The following RBBP8 variants were observed in gnomAD, a reference collection of about 807,000 sequenced individuals.
RBBP8 encodes the protein DNA endonuclease RBBP8.
In RBBP8, 88 loss-of-function variants were observed where a neutral mutation model predicts 108.3. The observed-to-expected ratio is 0.81, with a 90% CI of 0.68 to 0.97. The LOEUF is 0.97. Ranked by LOEUF, RBBP8 falls within the 50% of genes least tolerant of loss-of-function variation. The probability of loss-of-function intolerance (pLI) is 0.00; values close to 1 mark genes in which losing one functional copy is unlikely to be tolerated. For synonymous variants in RBBP8, 332 were observed against 348.2 expected (o/e 0.95, Z 0.52); for missense variants, 1,023 against 1,049.0 (o/e 0.98, Z 0.34).
chr18:22,969,791 T>TGG (rs1913932596), intron 5 of RBBP8, among the ~76,000 whole-genome samples: 1 of 152,196 alleles, frequency 6.6e-6, no homozygotes, highest in Non-Finnish European at 1.5e-5. Flanking sequence ...TACTTTGTGT[T>TGG]CTAATGTGTT....
intron 4 of RBBP8, among the ~76,000 whole-genome samples, chr18:22,960,084 G>A (rs111378912): frequency 0.017 from 2,529 of 151,830 alleles, 78 homozygotes; most frequent in African/African-American, 0.057. Context: ...TCGTAGAGAC[G>A]GGGTTTTACC....
intron 9 of RBBP8, among the ~76,000 whole-genome samples, chr18:22,989,539 G>A (rs949639972): frequency 1.3e-5 from 2 of 152,112 alleles, no homozygotes; most frequent in African/African-American, 4.8e-5. Context: ...TCAAAATTTA[G>A]GGGAGTAATT....
chr18:22,979,551 GA>G lies in RBBP8; in HGVS notation c.429-2664del, dbSNP rs1274225464. 3.9e-5 allele frequency among the ~76,000 whole-genome samples: 6 copies of G among 152,196 alleles called. No individual in the cohort carries two copies. The East Asian group carries it at 1.2e-3, about 29-fold the overall frequency. On this transcript the variant is annotated intron_variant, in intron 6 of 18. Transcript: ENST00000327155. ...TTCTCACTATATAAGCTTTTATTTG[GA>G]AATAGTATTGCAAGTTGATACGAGT...
chr18:22,993,050 T>G lies in RBBP8; in HGVS notation c.1223T>G (p.Ile408Arg), dbSNP rs1384555924. 2.5e-6 allele frequency: 4 copies of G among 1,612,426 alleles called. No individual in the cohort carries two copies. The highest frequency in any genetic ancestry group is 1.7e-5 in the Admixed American group (1 of 60,006). Reference sequence around the variant, plus strand: ...CAGTCATCTAATAAACAGATACTTATAAATAAAAATATAAGTGAATCCCTA... The same window carrying G: ...CAGTCATCTAATAAACAGATACTTAGAAATAAAAATATAAGTGAATCCCTA... ...IIQSSNKQIL[I>R]NKNISESLGE... Residue 408 changes from isoleucine (I) to arginine (R), a missense_variant, in exon 11 of 19, where the codon ATA becomes AGA. Ile to Arg is a moderately conservative substitution (Grantham distance 97). Coordinates refer to ENST00000327155, the MANE Select transcript of RBBP8 (RefSeq NM_002894.3).
intron 17 of RBBP8, among the ~76,000 whole-genome samples, 163 bp downstream of exon 17, chr18:23,017,087 G>A (rs1209824760): frequency 6.6e-6 from 1 of 152,152 alleles, no homozygotes; most frequent in Non-Finnish European, 1.5e-5. Context: ...GGGTGCGGTG[G>A]CTCATGCCTC....
At chr18:22,947,809 T>C (rs1207706493) in intron 3 of RBBP8, among the ~76,000 whole-genome samples, 1 of 152,122 alleles carries the variant, frequency 6.6e-6, no homozygotes, top group Non-Finnish European at 1.5e-5. Context: ...AATTAGTAAA[T>C]GCTCTTTATG....
intron 18 of RBBP8, 24 bp downstream of exon 18, chr18:23,022,294 T>A: frequency 6.3e-7 from 1 of 1,587,050 alleles, no homozygotes; most frequent in Non-Finnish European, 8.6e-7. Flanking sequence ...TTGTAACATT[T>A]TATAATTATT....
intron 16 of RBBP8, 30 bp downstream of exon 16, chr18:23,006,462 G>A (rs1485378056): frequency 3.4e-6 from 5 of 1,482,804 alleles, no homozygotes; most frequent in South Asian, 2.3e-5. Flanking sequence ...TACCAGCAAT[G>A]TGACTGGAAG....
chr18:22,978,087 G>A (rs796128580), intron 6 of RBBP8, among the ~76,000 whole-genome samples: 2 of 152,238 alleles, frequency 1.3e-5, no homozygotes, highest in African/African-American at 4.8e-5. Context: ...ATGTTACTTC[G>A]TTAAGTTTAA....
intron 5 of RBBP8, among the ~76,000 whole-genome samples, chr18:22,972,009 T>G (rs1230279636): frequency 1.3e-5 from 2 of 151,974 alleles, no homozygotes; most frequent in African/African-American, 4.8e-5. Flanking sequence ...GAACATACAT[T>G]TAAATCATCA....
At chr18:22,994,500 G>T (rs1023949524) in intron 12 of RBBP8, among the ~76,000 whole-genome samples, 6 of 149,146 alleles carry the variant, frequency 4.0e-5, no homozygotes, top group Non-Finnish European at 7.5e-5. Flanking sequence ...AAATAAGCCA[G>T]GCATGGTGGC....
At chr18:22,934,232 G>A (rs1211492138) in intron 1 of RBBP8, 1 of 152,312 alleles carries the variant, frequency 6.6e-6, no homozygotes, top group Non-Finnish European at 1.5e-5. Context: ...TCATTGCAGA[G>A]AGAGATGCTA....
chr18:23,026,049 C>A lies in RBBP8; in HGVS notation c.2597-94C>A, dbSNP rs934712805. 29 of 982,906 alleles carry A rather than the reference C, an allele frequency of 3.0e-5. No individual in the cohort carries two copies. The African/African-American group carries it at 4.4e-4, about 15-fold the overall frequency. The allele number at this position is 982,906 out of a possible 1,614,324, so 60.9% of individuals were successfully genotyped here. A position where few individuals can be genotyped will look rare whatever the true frequency, so the allele number is the denominator to read the frequency against. ...TAATCAGAAGAATCATGTAAACTTACAAAGCATCAAATAAGAGAAATGTTT... is the reference window on the plus strand; with the variant it reads ...TAATCAGAAGAATCATGTAAACTTAAAAAGCATCAAATAAGAGAAATGTTT... On this transcript the variant is annotated intron_variant, in intron 18 of 18. Transcript: ENST00000327155.
Position 22,993,439 on chromosome 18 carries a change from G to T in RBBP8, c.1612G>T (p.Ala538Ser). Residue 538 changes from alanine to serine, a missense_variant, in exon 11 of 19, where the codon GCC (alanine) becomes TCC (serine). Physicochemically the swap from Ala to Ser is moderately conservative, Grantham distance 99. Transcript: ENST00000327155. ...IPKGFSSSRK[A>S]SDGNCTLPKD... ...AAAGGGCTTTTCCTCAAGCCGTAAG[G>T]CCTCAGATGGCAACTGCACGTTGCC... 1.9e-6 allele frequency: 3 copies of T among 1,614,232 alleles called. No homozygotes were observed. Among genetic ancestry groups the T allele is most frequent in the Non-Finnish European group, 2.5e-6 (3 of 1,180,036 alleles).
intron 16 of RBBP8, among the ~76,000 whole-genome samples, chr18:23,013,359 T>G (rs1022132740): frequency 1.3e-5 from 2 of 152,046 alleles, no homozygotes; most frequent in African/African-American, 4.8e-5. Flanking sequence ...GGGTCAAAGG[T>G]GTCTTTTTGC....
upstream of RBBP8, among the ~76,000 whole-genome samples, chr18:22,928,815 GC>G (rs1376179500): frequency 6.6e-6 from 1 of 152,066 alleles, no homozygotes; most frequent in East Asian, 1.9e-4. Context: ...GATTACAGGT[GC>G]CTGCCACCAT....
intron 3 of RBBP8, among the ~76,000 whole-genome samples, chr18:22,920,192 C>T (rs2144333961): frequency 6.6e-6 from 1 of 152,140 alleles, no homozygotes; most frequent in African/African-American, 2.4e-5. Context: ...TACTTGGGCA[C>T]AGTGGTTAGA....
chr18:22,939,012 A>G (rs1910825262), intron 2 of RBBP8, among the ~76,000 whole-genome samples: 1 of 152,230 alleles, frequency 6.6e-6, no homozygotes, highest in African/African-American at 2.4e-5. Context: ...CAAGGTTTTA[A>G]TATTAAATTT....
At chr18:22,973,495 G>C (rs902541400) in intron 5 of RBBP8, among the ~76,000 whole-genome samples, 3 of 152,046 alleles carry the variant, frequency 2.0e-5, no homozygotes, top group African/African-American at 7.2e-5. Flanking sequence ...TTCTTCTACT[G>C]GTCTTTACTT....
Sources: gnomAD v4.1 joint callset for allele counts (sites outside exome capture counted in the v4.1 genomes callset) on GRCh38, gnomAD v4.1.1 for gene constraint, MANE v1.5 for transcripts, NCBI Gene and HGNC (gene_info 2026-07-23, HGNC 2026-07-21) for gene names.